Variants in DCC observed in about 807,000 individuals in gnomAD.
DCC encodes the protein DCC netrin 1 receptor.
In DCC, 58 loss-of-function variants were observed where a neutral mutation model predicts 172.5. That is an observed-to-expected ratio of 0.34 (90% CI 0.27 to 0.42). DCC has a LOEUF of 0.42. DCC is among the 10% of genes least tolerant of loss of function. The probability of loss-of-function intolerance (pLI) is 1.00; values close to 1 mark genes in which losing one functional copy is unlikely to be tolerated. For missense variants in DCC, 1,740 were observed against 1,791.0 expected (o/e 0.97, Z 0.51); for synonymous variants, 709 against 644.5 (o/e 1.10, Z -1.52).
chr18:52,843,257 G>T (rs1425509595), intron 2 of DCC, among the ~76,000 whole-genome samples: 1 of 152,134 alleles, frequency 6.6e-6, no homozygotes, highest in Admixed American at 6.5e-5. Flanking sequence ...AATTACTAAA[G>T]AATTCAAGGA....
chr18:52,903,721 TAAATA>T (rs1417302764), intron 2 of DCC, among the ~76,000 whole-genome samples: 6 of 152,090 alleles, frequency 3.9e-5, no homozygotes, highest in African/African-American at 1.4e-4. Context: ...AGAAAACTAT[TAAATA>T]AAAATCAAAT....
At chr18:52,588,799 G>A (rs1257963977) in intron 1 of DCC, among the ~76,000 whole-genome samples, 3 of 152,012 alleles carry the variant, frequency 2.0e-5, no homozygotes, top group African/African-American at 7.2e-5. Flanking sequence ...TTTCCTGACT[G>A]AGTTTTCATC....
chr18:53,403,884 G>C (rs545082045), intron 19 of DCC, among the ~76,000 whole-genome samples: 2 of 152,166 alleles, frequency 1.3e-5, no homozygotes, highest in African/African-American at 4.8e-5. Context: ...TTCCAAATAG[G>C]ATTGAAATTT....
intron 2 of DCC, among the ~76,000 whole-genome samples, chr18:52,807,242 C>T (rs567212061): frequency 5.9e-5 from 9 of 152,230 alleles, no homozygotes; most frequent in Non-Finnish European, 8.8e-5. Flanking sequence ...GTCACATAGG[C>T]ATTATACTGG....
At chr18:52,565,524 A>G (rs2030251432) in intron 1 of DCC, among the ~76,000 whole-genome samples, 1 of 152,132 alleles carries the variant, frequency 6.6e-6, no homozygotes, top group Admixed American at 6.5e-5. Context: ...CTTTTTAATG[A>G]TCGCCATTCT....
intron 1 of DCC, among the ~76,000 whole-genome samples, chr18:52,550,635 A>T (rs959294297): frequency 6.6e-6 from 1 of 152,124 alleles, no homozygotes; most frequent in African/African-American, 2.4e-5. Flanking sequence ...CAACAAGAGG[A>T]AGATATAAAC....
chr18:53,062,013 T>C (rs181802832), intron 5 of DCC, among the ~76,000 whole-genome samples: 61 of 152,242 alleles, frequency 4.0e-4, no homozygotes, highest in African/African-American at 1.4e-3. Context: ...ATTTCTGATA[T>C]CTTTTGGTTT....
chr18:52,642,322 GA>G (rs1302098461), intron 1 of DCC, among the ~76,000 whole-genome samples: 3 of 151,744 alleles, frequency 2.0e-5, no homozygotes, highest in Non-Finnish European at 4.4e-5. Context: ...GAATTCGGGG[GA>G]AGAGTGGGAG....
chr18:53,524,667 A>C (rs549195174), intron 27 of DCC, among the ~76,000 whole-genome samples: 76 of 152,148 alleles, frequency 5.0e-4, no homozygotes, highest in African/African-American at 1.8e-3. Context: ...ACAATGATAA[A>C]AAATGAGCTT....
intron 1 of DCC, among the ~76,000 whole-genome samples, chr18:52,451,055 G>A (rs377464229): frequency 4.2e-4 from 64 of 152,310 alleles, no homozygotes; most frequent in African/African-American, 1.5e-3. Flanking sequence ...TATTGTTGAA[G>A]TAACCATGTA....
At chr18:52,355,247 T>C (rs1056733054) in intron 1 of DCC, among the ~76,000 whole-genome samples, 5 of 152,068 alleles carry the variant, frequency 3.3e-5, no homozygotes, top group Non-Finnish European at 5.9e-5. Context: ...ACAAAACTTC[T>C]TGTGTTTCAA....
At chr18:52,980,011 AGACATAGGCAC>A (rs59588756) in intron 5 of DCC, among the ~76,000 whole-genome samples, 57,765 of 151,770 alleles carry the variant, frequency 0.38, 11,468 homozygotes, top group Non-Finnish European at 0.45. Flanking sequence ...TTATCCCCTG[AGACATAGGCAC>A]GGCTTTCGTG....
At chr18:53,176,642 C>G (rs547141883) in intron 8 of DCC, among the ~76,000 whole-genome samples, 4 of 152,236 alleles carry the variant, frequency 2.6e-5, no homozygotes, top group African/African-American at 4.8e-5. Context: ...CCATCTCACA[C>G]CAGTTAGAAT....
intron 17 of DCC, 99 bp from the exon 18 acceptor site, chr18:53,397,209 A>T: frequency 9.1e-7 from 1 of 1,099,684 alleles, no homozygotes; most frequent in Non-Finnish European, 1.4e-6. Context: ...GGAGTAGATT[A>T]CTTTTGTGTT....
chr18:53,257,332 T>G (rs1196144625), intron 12 of DCC, among the ~76,000 whole-genome samples: 4 of 152,198 alleles, frequency 2.6e-5, no homozygotes, highest in African/African-American at 9.6e-5. Context: ...CCATTCAGTA[T>G]GATATTGGCT....
intron 15 of DCC, among the ~76,000 whole-genome samples, chr18:53,383,554 G>T (rs1907924147): frequency 6.8e-6 from 1 of 147,150 alleles, no homozygotes; most frequent in African/African-American, 2.5e-5. Flanking sequence ...GGTTCATTTG[G>T]CATGTTTTCT....
chr18:52,496,017 C>T (rs532288459), intron 1 of DCC, among the ~76,000 whole-genome samples: 1 of 152,218 alleles, frequency 6.6e-6, no homozygotes, highest in African/African-American at 2.4e-5. Context: ...TTTAGCTATA[C>T]TAAATGCCTT....
At chr18:52,456,228 TG>T (rs1466330796) in intron 1 of DCC, among the ~76,000 whole-genome samples, 1 of 152,218 alleles carries the variant, frequency 6.6e-6, no homozygotes, top group Non-Finnish European at 1.5e-5. Context: ...CTTATCCTTA[TG>T]AATCAAGTTT....
At chr18:53,084,056 T>A (rs1022346125) in intron 7 of DCC, among the ~76,000 whole-genome samples, 1 of 152,158 alleles carries the variant, frequency 6.6e-6, no homozygotes, top group African/African-American at 2.4e-5. Context: ...AACTGGGTAA[T>A]TTATTTTTAA....
Sources: allele counts gnomAD v4.1 joint callset (sites outside exome capture counted in the v4.1 genomes callset), GRCh38; gene constraint gnomAD v4.1.1; transcripts MANE v1.5; gene names NCBI Gene and HGNC (gene_info 2026-07-23, HGNC 2026-07-21).